SHB: variants seen among roughly 807,000 people sequenced by gnomAD.
The protein encoded by SHB is SH2 domain-containing adapter protein B.
Under a neutral mutation model 52.3 loss-of-function variants are expected in SHB, and 20 were observed. That is an observed-to-expected ratio of 0.38 (90% CI 0.27 to 0.56). The LOEUF (loss-of-function observed/expected upper bound fraction) is 0.56. SHB is among the 20% of genes least tolerant of loss of function. The pLI is 0.71. For missense variants in SHB, 825 were observed against 723.3 expected (o/e 1.14, Z -1.61); for synonymous variants, 397 against 316.5 (o/e 1.25, Z -2.70).
intron 3 of SHB, among the ~76,000 whole-genome samples, chr9:37,973,216 C>G (rs564964417): frequency 6.6e-6 from 1 of 152,114 alleles, no homozygotes; most frequent in Non-Finnish European, 1.5e-5. Flanking sequence ...ATAAACAGTG[C>G]CTTTTCCGAA....
intron 2 of SHB, among the ~76,000 whole-genome samples, chr9:37,977,190 C>T (rs1820666576): frequency 1.3e-5 from 2 of 152,114 alleles, no homozygotes; most frequent in African/African-American, 2.4e-5. Flanking sequence ...ATCCCATAAG[C>T]CATTATTCTT....
intron 1 of SHB, among the ~76,000 whole-genome samples, chr9:38,019,084 C>T (rs191040934): frequency 3.5e-4 from 54 of 152,304 alleles, no homozygotes; most frequent in African/African-American, 1.3e-3. Context: ...TCCTTTTAGT[C>T]TCAGATTGGC....
intron 2 of SHB, among the ~76,000 whole-genome samples, chr9:38,002,910 G>A (rs968505673): frequency 2.0e-5 from 3 of 152,192 alleles, no homozygotes; most frequent in Admixed American, 6.5e-5. Context: ...AAATTTGGGA[G>A]CCAGACCCAG....
At position 37,958,994 on chromosome 9, in the gene SHB, G is replaced by A. The variant is rs543218451; in HGVS notation, c.1055-2940C>T. Among the ~76,000 whole-genome samples the A allele has an allele frequency of 3.0e-4, 46 of 152,290 alleles. No individual in the cohort carries two copies. In the South Asian group the frequency reaches 8.9e-3, roughly 30 times the overall value. On this transcript the variant is annotated intron_variant, in intron 3 of 5. Coordinates refer to ENST00000377707, the MANE Select transcript of SHB (RefSeq NM_003028.3). ...GACAAATTGGGGCCATGTCATCCTG[G>A]AGCCCCTTTCTAAAGAGCTTGGACT... is the stretch of plus-strand genomic sequence containing the variant.
intron 3 of SHB, among the ~76,000 whole-genome samples, chr9:37,957,075 TC>T (rs1261124219): frequency 6.6e-6 from 1 of 152,088 alleles, no homozygotes; most frequent in Non-Finnish European, 1.5e-5. Flanking sequence ...CCTCTTTGAG[TC>T]CCCAGGCTGC....
rs4323561 is a variant in SHB, at chr9:38,063,770, G to C, written c.717+4159C>G. Among the ~76,000 whole-genome samples the C allele has an allele frequency of 6.6e-5, 10 of 151,610 alleles. No homozygotes were observed. In the East Asian group the frequency reaches 1.9e-3, roughly 29 times the overall value. On this transcript the variant is annotated intron_variant, in intron 1 of 5. Transcript: ENST00000377707. ...TCTCTGAATTCCCTCTGCCTAGCAG[G>C]CAGTTTAGAAACTGTTTGCTGGATG... is the stretch of plus-strand genomic sequence containing the variant.
intron 1 of SHB, among the ~76,000 whole-genome samples, chr9:38,061,550 A>C (rs1821892336): frequency 6.6e-6 from 1 of 152,218 alleles, no homozygotes; most frequent in South Asian, 2.1e-4. Context: ...ACCACAGGCA[A>C]GTTAGACCTT....
At chr9:37,921,140 A>G (rs751487530) in intron 5 of SHB, among the ~76,000 whole-genome samples, 7 of 152,134 alleles carry the variant, frequency 4.6e-5, no homozygotes, top group Non-Finnish European at 5.9e-5. Context: ...AGACGTGTGG[A>G]TGCTTTAGAT....
At chr9:38,032,068 G>A (rs1457040504) in intron 1 of SHB, among the ~76,000 whole-genome samples, 1 of 152,138 alleles carries the variant, frequency 6.6e-6, no homozygotes, top group Non-Finnish European at 1.5e-5. Flanking sequence ...TCCAGTGCCA[G>A]GGCCCGAGAA....
intron 2 of SHB, among the ~76,000 whole-genome samples, chr9:38,013,591 A>G (rs1821171610): frequency 6.6e-6 from 1 of 152,216 alleles, no homozygotes; most frequent in East Asian, 1.9e-4. Flanking sequence ...GCAACAGAGG[A>G]AGACCCTGTC....
intron 3 of SHB, among the ~76,000 whole-genome samples, chr9:37,967,321 A>T (rs922589532): frequency 6.6e-6 from 1 of 152,200 alleles, no homozygotes; most frequent in Non-Finnish European, 1.5e-5. Context: ...TTTAGGAAAT[A>T]GACATACCTG....
chr9:37,978,312 G>C (rs901581160), intron 2 of SHB, among the ~76,000 whole-genome samples: 6 of 152,212 alleles, frequency 3.9e-5, no homozygotes, highest in Non-Finnish European at 8.8e-5. Context: ...AGCTGGACTA[G>C]TAATGGCATG....
At chr9:38,007,138 A>T (rs972009801) in intron 2 of SHB, among the ~76,000 whole-genome samples, 1 of 152,238 alleles carries the variant, frequency 6.6e-6, no homozygotes, top group Admixed American at 6.5e-5. Context: ...AGGTGCTCAC[A>T]AATAGCCACC....
chr9:38,016,146 A>T lies in SHB; in HGVS notation c.718-15T>A. 6.2e-7 allele frequency: 1 copy of T among 1,613,836 alleles called. No individual in the cohort carries two copies. ...GCTATGGTCACCTGCAGGGAGGAAG[A>T]TGGCAGGTGTGAGTCCACCTTTGGC... On this transcript the variant is annotated splice_polypyrimidine_tract_variant and intron_variant, in intron 1 of 5. Coordinates refer to ENST00000377707, the MANE Select transcript of SHB (RefSeq NM_003028.3).
chr9:37,985,169 G>A (rs1458538627), intron 2 of SHB, among the ~76,000 whole-genome samples: 1 of 152,194 alleles, frequency 6.6e-6, no homozygotes, highest in Non-Finnish European at 1.5e-5. Context: ...GCAGAGCAGG[G>A]CCTATGGCTG....
At position 37,916,058 on chromosome 9, in the gene SHB, G is replaced by A. The variant is rs1301641853; in HGVS notation, c.*3763C>T. 2.0e-5 allele frequency among the ~76,000 whole-genome samples: 3 copies of A among 152,148 alleles called. No individual in the cohort carries two copies. The highest frequency in any genetic ancestry group is 4.4e-5 in the Non-Finnish European group (3 of 68,030). On this transcript the variant is annotated 3_prime_UTR_variant, in exon 6 of 6. Transcript: ENST00000377707. Reference sequence around the variant, plus strand: ...ACAGCCCCAAGGAGGGAGGTGGAAAGGCCAAGGGGCACCTGTGTTCCAGGA... The same window carrying A: ...ACAGCCCCAAGGAGGGAGGTGGAAAAGCCAAGGGGCACCTGTGTTCCAGGA...
intron 5 of SHB, among the ~76,000 whole-genome samples, chr9:37,924,880 CA>C (rs1007001199): frequency 6.6e-6 from 1 of 152,176 alleles, no homozygotes; most frequent in African/African-American, 2.4e-5. Context: ...TGTTGAACTC[CA>C]AAGCCTGGCA....
intron 2 of SHB, among the ~76,000 whole-genome samples, chr9:37,993,040 G>A (rs1820902435): frequency 6.6e-6 from 1 of 152,222 alleles, no homozygotes; most frequent in African/African-American, 2.4e-5. Flanking sequence ...TCAGCCAGGA[G>A]TTAGCGGCAG....
intron 2 of SHB, among the ~76,000 whole-genome samples, chr9:38,001,232 T>C (rs950289981): frequency 1.3e-5 from 2 of 152,146 alleles, no homozygotes; most frequent in African/African-American, 4.8e-5. Flanking sequence ...GGTCCTTAGG[T>C]AGGCAACTCT....
Sources: allele counts gnomAD v4.1 joint callset (sites outside exome capture counted in the v4.1 genomes callset), GRCh38; gene constraint gnomAD v4.1.1; transcripts MANE v1.5; gene names NCBI Gene and HGNC (gene_info 2026-07-23, HGNC 2026-07-21).